The following CAP2 variants were observed in gnomAD, a reference collection of about 807,000 sequenced individuals.
The protein encoded by CAP2 is cyclase associated actin cytoskeleton regulatory protein 2.
In CAP2, 24 loss-of-function variants were observed where a neutral mutation model predicts 57.7. The observed-to-expected ratio is 0.42, with a 90% CI of 0.30 to 0.58. The LOEUF is 0.58. Among genes scored for constraint, CAP2 ranks in the 20% least tolerant of loss-of-function variants. The pLI is 0.22. For synonymous variants in CAP2, 194 were observed against 207.2 expected (o/e 0.94, Z 0.55); for missense variants, 501 against 590.3 (o/e 0.85, Z 1.57).
chr6:17,422,804 G>A (rs891155965), intron 2 of CAP2, among the ~76,000 whole-genome samples: 1 of 151,980 alleles, frequency 6.6e-6, no homozygotes, highest in Admixed American at 6.6e-5. Flanking sequence ...ATTCCTTCTT[G>A]ACTAAGGGAC....
At chr6:17,538,336 G>T (rs1762820885) in intron 7 of CAP2, among the ~76,000 whole-genome samples, 1 of 151,468 alleles carries the variant, frequency 6.6e-6, no homozygotes, top group South Asian at 2.1e-4. Context: ...CATGCCTGTT[G>T]TCCCAGCTAT....
chr6:17,428,061 G>A (rs1759635689), intron 3 of CAP2, among the ~76,000 whole-genome samples: 1 of 152,176 alleles, frequency 6.6e-6, no homozygotes, highest in Non-Finnish European at 1.5e-5. Flanking sequence ...TCTGGAGATT[G>A]TACAACTATG....
At position 17,556,446 on chromosome 6, in the gene CAP2, C is replaced by G. The variant is rs369557429; in HGVS notation, c.*4C>G. ...ACCTGCAGAAATTATGGCCTAACTT[C>G]CTGAGAGACCGAACCCCCTCACCTG... On this transcript the variant is annotated 3_prime_UTR_variant, in exon 13 of 13. Transcript: ENST00000229922. 1.3e-5 allele frequency: 21 copies of G among 1,600,472 alleles called. No individual in the cohort carries two copies. The highest frequency in any genetic ancestry group is 1.8e-5 in the Non-Finnish European group (21 of 1,167,700).
intron 3 of CAP2, among the ~76,000 whole-genome samples, chr6:17,438,057 T>G (rs1364536997): frequency 5.9e-5 from 9 of 151,718 alleles, no homozygotes; most frequent in Non-Finnish European, 8.8e-5. Context: ...ATTGTCACTA[T>G]GGCATTATGA....
At chr6:17,465,758 C>T (rs980374971) in intron 4 of CAP2, among the ~76,000 whole-genome samples, 3 of 152,168 alleles carry the variant, frequency 2.0e-5, no homozygotes, top group Non-Finnish European at 4.4e-5. Context: ...AGAACTACAA[C>T]CACTTGCGAA....
In CAP2 at chr6:17,522,659, G is replaced by A. The variant is rs551042320; in HGVS notation, c.636+8705G>A. The stretch of plus-strand genomic sequence containing the variant: ...AATGTACTTTGAGAGAAAGGCTGGT[G>A]GTTTTGCAGAGCTGAATGTGGCAAA... On this transcript the variant is annotated intron_variant, in intron 7 of 12. Coordinates refer to ENST00000229922, the MANE Select transcript of CAP2 (RefSeq NM_006366.3). 2.2e-4 allele frequency among the ~76,000 whole-genome samples: 33 copies of A among 152,326 alleles called. 1 individual carries two copies. The South Asian group carries it at 5.6e-3, about 26-fold the overall frequency.
intron 1 of CAP2, among the ~76,000 whole-genome samples, chr6:17,401,363 A>C (rs1192978108): frequency 6.6e-6 from 1 of 152,194 alleles, no homozygotes; most frequent in African/African-American, 2.4e-5. Context: ...GTGAGAAATA[A>C]ATTTCTATTG....
At chr6:17,485,014 A>G (rs79582768) in intron 4 of CAP2, among the ~76,000 whole-genome samples, 1,789 of 152,248 alleles carry the variant, frequency 0.012, 16 homozygotes, top group Middle Eastern at 0.058. Flanking sequence ...CTATTGTCCG[A>G]TTTCTTTACT....
At chr6:17,531,885 ACACTTC>A (rs935990066) in intron 7 of CAP2, among the ~76,000 whole-genome samples, 6 of 152,080 alleles carry the variant, frequency 3.9e-5, no homozygotes, top group African/African-American at 1.4e-4. Context: ...GGTTCATATC[ACACTTC>A]ATCTACAATT....
chr6:17,507,064 A>C, intron 4 of CAP2, 105 bp from the exon 5 acceptor site: 1 of 1,100,788 alleles, frequency 9.1e-7, no homozygotes, highest in Non-Finnish European at 1.4e-6. Flanking sequence ...TAGACCCCTT[A>C]ACAGACGGCA....
intron 7 of CAP2, chr6:17,536,448 G>A: frequency 3.0e-6 from 1 of 328,210 alleles, no homozygotes; most frequent in Non-Finnish European, 6.0e-6. Context: ...CAAAGGATTA[G>A]ACCAAGATGG....
chr6:17,501,398 T>G (rs1041920724), intron 4 of CAP2, among the ~76,000 whole-genome samples: 3 of 152,214 alleles, frequency 2.0e-5, no homozygotes, highest in Non-Finnish European at 4.4e-5. Context: ...GTTTATTGTT[T>G]ACTTATGTTT....
intron 1 of CAP2, 57 bp downstream of exon 1, chr6:17,393,803 G>A (rs888216836): frequency 1.3e-5 from 2 of 152,862 alleles, no homozygotes; most frequent in African/African-American, 2.4e-5. Flanking sequence ...GTGCAGGTGC[G>A]GGGGGCGCCT....
chr6:17,456,604 A>G (rs1041346289), intron 3 of CAP2, among the ~76,000 whole-genome samples: 1 of 152,082 alleles, frequency 6.6e-6, no homozygotes, highest in African/African-American at 2.4e-5. Context: ...CCAACTGGGG[A>G]GGTATGTGAG....
intron 4 of CAP2, among the ~76,000 whole-genome samples, chr6:17,502,460 T>A (rs143592081): frequency 6.6e-6 from 1 of 152,256 alleles, no homozygotes; most frequent in African/African-American, 2.4e-5. Context: ...AAAGCACTAA[T>A]GTTTATTAGA....
intron 3 of CAP2, among the ~76,000 whole-genome samples, chr6:17,428,502 A>T (rs1274806860): frequency 2.0e-5 from 3 of 152,078 alleles, no homozygotes; most frequent in Non-Finnish European, 4.4e-5. Context: ...ATTCACAGAA[A>T]ATCTGATTCT....
intron 7 of CAP2, among the ~76,000 whole-genome samples, chr6:17,539,017 C>T (rs1561820872): frequency 1.3e-5 from 2 of 151,826 alleles, no homozygotes; most frequent in Non-Finnish European, 2.9e-5. Context: ...GATTTGGCAG[C>T]AGGGCTCATT....
At chr6:17,426,733 T>G in intron 3 of CAP2, 43 bp downstream of exon 3, 2 of 1,308,946 alleles carry the variant, frequency 1.5e-6, no homozygotes, top group Non-Finnish European at 2.2e-6. Flanking sequence ...AGTTTAAACT[T>G]ACCAGCCCAG....
chr6:17,546,315 T>A (rs185868931), intron 11 of CAP2, among the ~76,000 whole-genome samples: 16 of 152,374 alleles, frequency 1.1e-4, no homozygotes, highest in Admixed American at 6.5e-5. Context: ...CATTTTTTCA[T>A]GTGTCTGTTG....
Sources: gnomAD v4.1 joint callset for allele counts (sites outside exome capture counted in the v4.1 genomes callset) on GRCh38, gnomAD v4.1.1 for gene constraint, MANE v1.5 for transcripts, NCBI Gene and HGNC (gene_info 2026-07-23, HGNC 2026-07-21) for gene names.